The following THEMIS variants were observed in gnomAD, a reference collection of about 807,000 sequenced individuals.
The protein encoded by THEMIS is protein THEMIS.
Under a neutral mutation model 52.6 loss-of-function variants are expected in THEMIS, and 37 were observed. The observed-to-expected ratio is 0.70, with a 90% CI of 0.54 to 0.93. The LOEUF is 0.93. Ranked by LOEUF, THEMIS falls within the 40% of genes least tolerant of loss-of-function variation. The probability of loss-of-function intolerance (pLI) is 0.00; values close to 1 mark genes in which losing one functional copy is unlikely to be tolerated. For synonymous variants in THEMIS, 292 were observed against 272.7 expected (o/e 1.07, Z -0.70); for missense variants, 808 against 763.1 (o/e 1.06, Z -0.69).
intron 3 of THEMIS, among the ~76,000 whole-genome samples, chr6:127,814,425 C>G (rs1481207943): frequency 1.3e-5 from 2 of 152,146 alleles, no homozygotes; most frequent in Non-Finnish European, 2.9e-5. Flanking sequence ...TCATAGAAGA[C>G]AGTTTTGACC....
chr6:127,860,015 C>G (rs1306568024), intron 1 of THEMIS, among the ~76,000 whole-genome samples: 1 of 152,046 alleles, frequency 6.6e-6, no homozygotes, highest in Non-Finnish European at 1.5e-5. Context: ...CAATTGTGTA[C>G]CTAGACATGG....
At chr6:127,836,289 A>G (rs79008953) in intron 2 of THEMIS, among the ~76,000 whole-genome samples, 26 of 152,268 alleles carry the variant, frequency 1.7e-4, no homozygotes, top group African/African-American at 6.3e-4. Flanking sequence ...GCTTATGATT[A>G]TGTAAAGCCC....
chr6:127,848,707 A>G (rs1779311336), intron 2 of THEMIS, among the ~76,000 whole-genome samples: 1 of 151,984 alleles, frequency 6.6e-6, no homozygotes, highest in Admixed American at 6.6e-5. Context: ...ATGTCTGTTG[A>G]CTGCATAAAT....
At chr6:127,862,022 G>C (rs571909295) in intron 1 of THEMIS, among the ~76,000 whole-genome samples, 1 of 152,170 alleles carries the variant, frequency 6.6e-6, no homozygotes, top group South Asian at 2.1e-4. Context: ...ACCACGGATA[G>C]TTTTGGAAGC....
chr6:127,719,547 A>G (rs944535395), intron 5 of THEMIS, 141 bp downstream of exon 5: 2 of 640,332 alleles, frequency 3.1e-6, no homozygotes, highest in African/African-American at 3.8e-5. Context: ...CTTCATTTCA[A>G]TGTGATTGGC....
At chr6:127,758,771 TGAAA>T (rs1005628651) in intron 4 of THEMIS, among the ~76,000 whole-genome samples, 6 of 151,994 alleles carry the variant, frequency 3.9e-5, no homozygotes, top group Non-Finnish European at 7.4e-5. Context: ...GGTAATCACA[TGAAA>T]GAAAGAAAGA....
chr6:127,817,332 A>T (rs1312599137), intron 3 of THEMIS, among the ~76,000 whole-genome samples: 1 of 152,190 alleles, frequency 6.6e-6, no homozygotes, highest in Non-Finnish European at 1.5e-5. Flanking sequence ...ATAAAATTTC[A>T]CTGGAAAAAA....
chr6:127,736,149 G>A (rs1774997976), intron 4 of THEMIS, among the ~76,000 whole-genome samples: 1 of 152,114 alleles, frequency 6.6e-6, no homozygotes, highest in South Asian at 2.1e-4. Context: ...TTCTCACTTA[G>A]TCAAGAACAA....
chr6:127,755,537 A>G (rs983058074), intron 4 of THEMIS, among the ~76,000 whole-genome samples: 26 of 152,122 alleles, frequency 1.7e-4, no homozygotes, highest in African/African-American at 5.3e-4. Context: ...CAACTTTACT[A>G]TAAGTTTTAA....
At chr6:127,812,470 C>A (rs1236224016) in intron 4 of THEMIS, among the ~76,000 whole-genome samples, 2 of 152,104 alleles carry the variant, frequency 1.3e-5, no homozygotes, top group Non-Finnish European at 2.9e-5. Context: ...AGTAACCCCC[C>A]ATCCCCAGAA....
At chr6:127,736,038 G>A (rs990834615) in intron 4 of THEMIS, among the ~76,000 whole-genome samples, 4 of 152,146 alleles carry the variant, frequency 2.6e-5, no homozygotes, top group African/African-American at 9.7e-5. Context: ...TTCAGTGTGG[G>A]CAAGTTTACC....
intron 1 of THEMIS, among the ~76,000 whole-genome samples, chr6:127,897,446 AC>A (rs1781002665): frequency 1.3e-5 from 2 of 151,498 alleles, no homozygotes; most frequent in Non-Finnish European, 3.0e-5. Flanking sequence ...CAAATCAATA[AC>A]AAAAATGTAT....
chr6:127,860,644 C>T (rs1280181349), intron 1 of THEMIS, among the ~76,000 whole-genome samples: 1 of 151,944 alleles, frequency 6.6e-6, no homozygotes, highest in Non-Finnish European at 1.5e-5. Context: ...AAAGTTCCTA[C>T]AGATTGGAAA....
chr6:127,717,535 T>C (rs1774211379), intron 5 of THEMIS, among the ~76,000 whole-genome samples: 1 of 151,880 alleles, frequency 6.6e-6, no homozygotes, highest in Admixed American at 6.6e-5. Flanking sequence ...TGGTGAAATG[T>C]TTTCATCAGT....
At chr6:127,910,531 G>A (rs956274399) in intron 1 of THEMIS, among the ~76,000 whole-genome samples, 3 of 152,094 alleles carry the variant, frequency 2.0e-5, no homozygotes, top group South Asian at 2.1e-4. Flanking sequence ...CCAGGAAATG[G>A]AGAATCTGTT....
intron 4 of THEMIS, among the ~76,000 whole-genome samples, chr6:127,796,699 A>G (rs528101603): frequency 6.6e-6 from 1 of 152,352 alleles, no homozygotes; most frequent in African/African-American, 2.4e-5. Context: ...ACATACGTAC[A>G]CAGAAACACT....
intron 4 of THEMIS, among the ~76,000 whole-genome samples, chr6:127,808,687 C>T (rs1777799936): frequency 6.6e-6 from 1 of 152,150 alleles, no homozygotes; most frequent in African/African-American, 2.4e-5. Context: ...AGGCTATAAT[C>T]CTGTTGGTAA....
intron 4 of THEMIS, among the ~76,000 whole-genome samples, chr6:127,802,255 C>T (rs551120480): frequency 1.6e-4 from 24 of 152,308 alleles, no homozygotes; most frequent in Admixed American, 1.6e-3. Context: ...AAGATATACC[C>T]TTGACCAATG....
At position 127,767,852 on chromosome 6, in the gene THEMIS, G is replaced by A. The variant is rs115700253; in HGVS notation, c.1758+45031C>T. On this transcript the variant is annotated intron_variant, in intron 4 of 5. Coordinates refer to ENST00000368248, the MANE Select transcript of THEMIS (RefSeq NM_001010923.3). ...AGCACCACCACAACAAGTGAGTAAT[G>A]TGTTGCACTACAAAGTTATGACAGC... 2.9e-3 allele frequency among the ~76,000 whole-genome samples: 442 copies of A among 152,268 alleles called. 1 individual carries two copies. The highest frequency in any genetic ancestry group is 0.01 in the African/African-American group (430 of 41,548).
Sources: gnomAD v4.1 joint callset for allele counts (sites outside exome capture counted in the v4.1 genomes callset) on GRCh38, gnomAD v4.1.1 for gene constraint, MANE v1.5 for transcripts, NCBI Gene and HGNC (gene_info 2026-07-23, HGNC 2026-07-21) for gene names.